Variants in NAV1 observed in about 807,000 individuals in gnomAD.
NAV1 encodes neuron navigator 1.
Under a neutral mutation model 175.2 loss-of-function variants are expected in NAV1, and 18 were observed. That is an observed-to-expected ratio of 0.10 (90% confidence interval 0.07 to 0.15). NAV1 has a LOEUF of 0.15. Ranked by LOEUF, NAV1 falls within the 10% of genes least tolerant of loss-of-function variation. The pLI, the probability that NAV1 is intolerant of heterozygous loss-of-function variation, is 1.00. For missense variants in NAV1, 1,731 were observed against 2,436.6 expected (o/e 0.71, Z 6.10); for synonymous variants, 897 against 978.7 (o/e 0.92, Z 1.56).
intron 1 of NAV1, among the ~76,000 whole-genome samples, chr1:201,691,989 G>A (rs1423765552): frequency 1.3e-5 from 2 of 152,174 alleles, no homozygotes; most frequent in Non-Finnish European, 2.9e-5. Flanking sequence ...GCCTCTCTTG[G>A]TCATTCTTCA....
At chr1:201,627,936 C>T (rs368011948) in intron 1 of NAV1, among the ~76,000 whole-genome samples, 12 of 151,668 alleles carry the variant, frequency 7.9e-5, no homozygotes, top group African/African-American at 1.5e-4. Context: ...CTCAGGAGTT[C>T]GAGACCAGCC....
At chr1:201,744,308 G>GTATTTATTTATT (rs1405768833) in intron 3 of NAV1, among the ~76,000 whole-genome samples, 1 of 132,664 alleles carries the variant, frequency 7.5e-6, no homozygotes, top group African/African-American at 2.9e-5. Context: ...GGCTATGTAT[G>GTATTTATTTATT]TATGTATGTA....
At chr1:201,590,303 G>C (rs1487657490) in intron 2 of NAV1, among the ~76,000 whole-genome samples, 1 of 152,158 alleles carries the variant, frequency 6.6e-6, no homozygotes, top group Non-Finnish European at 1.5e-5. Flanking sequence ...ATGTAACCAG[G>C]GCCCTCTGAT....
chr1:201,691,569 G>A (rs547066159), intron 1 of NAV1, among the ~76,000 whole-genome samples: 184 of 152,332 alleles, frequency 1.2e-3, no homozygotes, highest in African/African-American at 4.1e-3. Flanking sequence ...CAGATTAAAG[G>A]ACTAGCATCA....
At chr1:201,599,719 G>A (rs933025880) in intron 2 of NAV1, among the ~76,000 whole-genome samples, 1 of 152,100 alleles carries the variant, frequency 6.6e-6, no homozygotes, top group East Asian at 1.9e-4. Flanking sequence ...TCTCTTCAGC[G>A]CCACTCACGC....
Position 201,809,550 on chromosome 1 carries a change from C to G in NAV1, c.4401+13C>G, listed in dbSNP as rs780310199. 6.2e-7 allele frequency: 1 copy of G among 1,610,918 alleles called. No individual in the cohort carries two copies. Among genetic ancestry groups the G allele is most frequent in the South Asian group, 1.1e-5 (1 of 90,750 alleles). On this transcript the variant is annotated intron_variant, in intron 22 of 29. Coordinates refer to ENST00000367296, the Ensembl canonical transcript of NAV1. ...CCAAGTGTTCAAGGTAAAGGGATACCTGTACTCAAAAAGGTTGTTCATCCT... is the reference window on the plus strand; with the variant it reads ...CCAAGTGTTCAAGGTAAAGGGATACGTGTACTCAAAAAGGTTGTTCATCCT...
chr1:201,601,926 G>C (rs916143577), intron 2 of NAV1, among the ~76,000 whole-genome samples: 2 of 152,092 alleles, frequency 1.3e-5, no homozygotes, highest in Non-Finnish European at 2.9e-5. Flanking sequence ...TCGAGGAGGG[G>C]ATCCACAGGC....
chr1:201,780,322 A>G lies in NAV1; in HGVS notation c.1227-99A>G, dbSNP rs570615496. The G allele has an allele frequency of 2.8e-6, 4 of 1,441,672 alleles. No individual in the cohort carries two copies. The Admixed American group carries it at 5.4e-5, about 20-fold the overall frequency. The allele number at this position is 1,441,672 out of a possible 1,614,324, so 89.3% of individuals were successfully genotyped here. A position where few individuals can be genotyped will look rare whatever the true frequency, so the allele number is the denominator to read the frequency against. On this transcript the variant is annotated intron_variant, in intron 3 of 29. Coordinates refer to ENST00000367296, the Ensembl canonical transcript of NAV1. ...CAGGTTTTCTCCTTTTGGCTAGCCT[A>G]TATACTGGTGCAGAGCCATTCTTGC... is the stretch of plus-strand genomic sequence containing the variant.
chr1:201,648,107 G>A (rs1005095194), upstream of NAV1: 4 of 268,710 alleles, frequency 1.5e-5, no homozygotes, highest in Non-Finnish European at 2.2e-5. Context: ...CCCTCCCCGT[G>A]CGCACACTCG....
chr1:201,708,073 A>T (rs1281965248), intron 1 of NAV1, among the ~76,000 whole-genome samples: 1 of 151,982 alleles, frequency 6.6e-6, no homozygotes, highest in African/African-American at 2.4e-5. Context: ...AGTGTATTTG[A>T]TTGCTAGTCC....
chr1:201,765,393 T>C (rs1343623424), intron 3 of NAV1, among the ~76,000 whole-genome samples: 5 of 149,126 alleles, frequency 3.4e-5, no homozygotes, highest in Admixed American at 6.7e-5. Flanking sequence ...TTTTTTTTTT[T>C]TTTTTTTTTT....
rs566581227 is a variant in NAV1 at position 201,774,917 on chromosome 1, C to A, written c.1227-5504C>A. On this transcript the variant is annotated intron_variant, in intron 3 of 29. Coordinates refer to ENST00000367296, the Ensembl canonical transcript of NAV1. ...TGGAAATCAGACTGGCAAGTATGAACTGGTGGATCAGACTTAAAGTCGAAT... is the reference window on the plus strand; with the variant it reads ...TGGAAATCAGACTGGCAAGTATGAAATGGTGGATCAGACTTAAAGTCGAAT... Among the ~76,000 whole-genome samples, 16 of 152,198 alleles carry A rather than the reference C, an allele frequency of 1.1e-4. No homozygotes were observed. The South Asian group carries it at 2.9e-3, about 28-fold the overall frequency.
At chr1:201,712,826 C>T (rs1174206848) in exon 2 of NAV1, 2 of 1,612,766 alleles carry the variant, frequency 1.2e-6, no homozygotes, top group Non-Finnish European at 1.7e-6. Flanking sequence ...GACCCAGAGT[C>T]CCAGAGAAAG....
intron 3 of NAV1, among the ~76,000 whole-genome samples, chr1:201,735,533 C>T (rs909223566): frequency 7.9e-5 from 12 of 152,194 alleles, no homozygotes; most frequent in Non-Finnish European, 1.3e-4. Context: ...CTGGAAGACA[C>T]AGGCATTGCT....
In NAV1 at chr1:201,813,638, C is replaced by T. The variant is rs944276990; in HGVS notation, c.5340+380C>T. ...CTACTAATAAGTATGTTATATTAACCAAGTTACTTGACCTTTTTAAATACC... is the reference window on the plus strand; with the variant it reads ...CTACTAATAAGTATGTTATATTAACTAAGTTACTTGACCTTTTTAAATACC... On this transcript the variant is annotated intron_variant, in intron 28 of 29. Coordinates refer to ENST00000367296, the Ensembl canonical transcript of NAV1. This position sits in a 1 kb window ranked among gnomAD's most constrained non-coding sequence, Gnocchi z 4.2. Among the ~76,000 whole-genome samples, 1 of 151,312 alleles carries T rather than the reference C, an allele frequency of 6.6e-6. No individual in the cohort carries two copies. The highest frequency in any genetic ancestry group is 1.5e-5 in the Non-Finnish European group (1 of 67,888).
chr1:201,560,628 C>T (rs1379169301), intron 1 of NAV1, among the ~76,000 whole-genome samples: 1 of 152,212 alleles, frequency 6.6e-6, no homozygotes, highest in African/African-American at 2.4e-5. Context: ...CCCTGAGAAA[C>T]AGGATATTTA....
At chr1:201,646,228 T>A (rs145994671), upstream of NAV1, among the ~76,000 whole-genome samples, 1,008 of 152,336 alleles carry the variant, frequency 6.6e-3, 5 homozygotes, top group Middle Eastern at 0.014. Context: ...TCATTTCCTA[T>A]CTGGAACCAC....
intron 1 of NAV1, among the ~76,000 whole-genome samples, chr1:201,706,178 T>C (rs1161864264): frequency 6.6e-6 from 1 of 152,198 alleles, no homozygotes; most frequent in East Asian, 1.9e-4. Context: ...CCCACTGACC[T>C]GGGCTTCACC....
chr1:201,637,589 A>G (rs1250562685), intron 2 of NAV1, among the ~76,000 whole-genome samples: 1 of 152,188 alleles, frequency 6.6e-6, no homozygotes, highest in Admixed American at 6.5e-5. Context: ...ACTATCTCCA[A>G]GGTCCCTCTT....
Sources: gnomAD v4.1 joint callset for allele counts (sites outside exome capture counted in the v4.1 genomes callset) on GRCh38, gnomAD v4.1.1 for gene constraint, Gnocchi (gnomAD v3.1) non-coding constraint, MANE v1.5 for transcripts, NCBI Gene and HGNC (gene_info 2026-07-23, HGNC 2026-07-21) for gene names.